The following AFF3 variants were observed in gnomAD, a reference collection of about 807,000 sequenced individuals.
AFF3 encodes the protein ALF transcription elongation factor 3.
In AFF3, 32 loss-of-function variants were observed where a neutral mutation model predicts 129.7. The observed-to-expected ratio is 0.25, with a 90% CI of 0.19 to 0.33. The LOEUF is 0.33. Ranked by LOEUF, AFF3 falls within the 10% of genes least tolerant of loss-of-function variation. The probability of loss-of-function intolerance (pLI) is 1.00; values close to 1 mark genes in which losing one functional copy is unlikely to be tolerated. For synonymous variants in AFF3, 644 were observed against 635.4 expected, an observed-to-expected ratio of 1.01 and a Z score of -0.20; for missense variants, 1,373 against 1,592.0, an observed-to-expected ratio of 0.86 and a Z score of 2.34.
intron 4 of AFF3, among the ~76,000 whole-genome samples, chr2:100,104,138 CCCTGGCTA>C: frequency 6.6e-6 from 1 of 152,166 alleles, no homozygotes; most frequent in Non-Finnish European, 1.5e-5. Context: ...TGCGCTCTGC[CCCTGGCTA>C]CCTAGATCAC....
At chr2:99,707,202 C>T in intron 11 of AFF3, 1 of 985,394 alleles carries the variant, frequency 1.0e-6, no homozygotes. Flanking sequence ...TCTTCCCCAT[C>T]CACAGTTAAA....
At chr2:99,727,248 C>T in intron 10 of AFF3, 120 bp from the exon 11 acceptor site, 1 of 992,158 alleles carries the variant, frequency 1.0e-6, no homozygotes, top group East Asian at 2.8e-5. Context: ...TAGCAGGAGG[C>T]TTTTAAAACA....
At chr2:99,670,184 G>C (rs1306945928) in intron 12 of AFF3, among the ~76,000 whole-genome samples, 2 of 152,138 alleles carry the variant, frequency 1.3e-5, no homozygotes, top group Admixed American at 6.6e-5. Context: ...ACTGTCTTTT[G>C]ACCTTCAGGA....
intron 13 of AFF3, among the ~76,000 whole-genome samples, chr2:99,630,029 C>T (rs1448396945): frequency 2.0e-5 from 3 of 152,228 alleles, no homozygotes; most frequent in South Asian, 2.1e-4. Context: ...TCACTATAGA[C>T]CCCCTTCTGA....
intron 13 of AFF3, among the ~76,000 whole-genome samples, chr2:99,623,786 C>T (rs917150451): frequency 2.6e-5 from 4 of 152,178 alleles, no homozygotes; most frequent in African/African-American, 4.8e-5. Flanking sequence ...CCCATGCCCT[C>T]CTGGGGTGCT....
chr2:99,991,963 A>T (rs1397854973), intron 7 of AFF3, among the ~76,000 whole-genome samples: 1 of 152,098 alleles, frequency 6.6e-6, no homozygotes, highest in African/African-American at 2.4e-5. Context: ...CAGTCTTGAC[A>T]GATTAAATGG....
At chr2:100,050,891 A>G (rs1220329085) in intron 4 of AFF3, among the ~76,000 whole-genome samples, 2 of 152,186 alleles carry the variant, frequency 1.3e-5, no homozygotes, top group African/African-American at 4.8e-5. Flanking sequence ...GTGGAGTAAC[A>G]GCCAACAAGG....
intron 20 of AFF3, 135 bp from the exon 21 acceptor site, chr2:99,560,571 C>T: frequency 1.2e-6 from 1 of 800,372 alleles, no homozygotes; most frequent in Non-Finnish European, 2.0e-6. Flanking sequence ...ATAGTACTTG[C>T]TGATAATTCT....
At chr2:100,029,601 C>A (rs911770417) in intron 4 of AFF3, among the ~76,000 whole-genome samples, 1 of 152,000 alleles carries the variant, frequency 6.6e-6, no homozygotes, top group African/African-American at 2.4e-5. Context: ...CAAGAGGAAC[C>A]TAGGGTAGTC....
At position 99,716,777 on chromosome 2, in the gene AFF3, G is replaced by T. The variant is rs547052760; in HGVS notation, c.1091+10300C>A. On this transcript the variant is annotated intron_variant, in intron 11 of 24. Transcript: ENST00000672756. ...TTCCCTGTAATCGCAGCTACTTTGG[G>T]GGGGCTGAGGCAGGAGAATCGTTTG... 3.9e-5 allele frequency among the ~76,000 whole-genome samples: 6 copies of T among 152,036 alleles called. No homozygotes were observed. The East Asian group carries it at 7.7e-4, about 20-fold the overall frequency.
intron 7 of AFF3, among the ~76,000 whole-genome samples, chr2:99,954,208 A>G (rs1405928331): frequency 1.3e-5 from 2 of 152,118 alleles, no homozygotes; most frequent in African/African-American, 4.8e-5. Context: ...AGGGACATAA[A>G]AATGCATGGT....
At position 99,808,042 on chromosome 2, in the gene AFF3, T is replaced by C. The variant is rs1329619088; in HGVS notation, c.921+29435A>G. Among the ~76,000 whole-genome samples, 4 of 152,220 alleles carry C rather than the reference T, an allele frequency of 2.6e-5. No homozygotes were observed. The East Asian group carries it at 7.7e-4, about 29-fold the overall frequency. On this transcript the variant is annotated intron_variant, in intron 8 of 24. Coordinates refer to ENST00000672756, the MANE Select transcript of AFF3 (RefSeq NM_001386135.1). Reference sequence around the variant, plus strand: ...AGGGTAGGAATCCCTCCCTCGCCAATGGGGTGAAGGGGAGGCAACCAAAAT... The same window carrying C: ...AGGGTAGGAATCCCTCCCTCGCCAACGGGGTGAAGGGGAGGCAACCAAAAT...
At chr2:99,882,411 G>T (rs1192826985) in intron 7 of AFF3, among the ~76,000 whole-genome samples, 8 of 152,228 alleles carry the variant, frequency 5.3e-5, no homozygotes, top group African/African-American at 1.9e-4. Flanking sequence ...ATCCAGCTGT[G>T]AAAGAAGCTA....
chr2:100,026,598 T>C (rs1684061462), intron 4 of AFF3, among the ~76,000 whole-genome samples: 1 of 151,914 alleles, frequency 6.6e-6, no homozygotes, highest in South Asian at 2.1e-4. Context: ...TACTTGCACA[T>C]GCATGTTTAT....
intron 7 of AFF3, among the ~76,000 whole-genome samples, chr2:99,952,802 C>T (rs1298981143): frequency 6.6e-6 from 1 of 152,174 alleles, no homozygotes; most frequent in African/African-American, 2.4e-5. Flanking sequence ...CACCTGCACC[C>T]TCCTGGTCAG....
chr2:99,700,673 G>T (rs996880279), intron 11 of AFF3, among the ~76,000 whole-genome samples: 2 of 152,202 alleles, frequency 1.3e-5, no homozygotes, highest in African/African-American at 4.8e-5. Flanking sequence ...AGAACACATG[G>T]CAGAGAAGCC....
At chr2:99,608,952 T>G (rs988952430) in intron 13 of AFF3, among the ~76,000 whole-genome samples, 4 of 152,168 alleles carry the variant, frequency 2.6e-5, no homozygotes, top group African/African-American at 9.7e-5. Flanking sequence ...TATTACATGT[T>G]TTGAGATGGC....
chr2:99,878,886 T>C (rs1038888110), intron 7 of AFF3, among the ~76,000 whole-genome samples: 7 of 152,182 alleles, frequency 4.6e-5, no homozygotes, highest in Non-Finnish European at 1.0e-4. Flanking sequence ...TTGGATTCCT[T>C]AAGTCCATGG....
At chr2:99,744,185 C>T (rs767956040) in intron 9 of AFF3, 45 bp from the exon 10 acceptor site, 1 of 1,560,108 alleles carries the variant, frequency 6.4e-7, no homozygotes, top group South Asian at 1.1e-5. Flanking sequence ...TTTTGACTTT[C>T]AAAATCCAAG....
Sources: allele counts gnomAD v4.1 joint callset (sites outside exome capture counted in the v4.1 genomes callset), GRCh38; gene constraint gnomAD v4.1.1; transcripts MANE v1.5; gene names NCBI Gene and HGNC (gene_info 2026-07-23, HGNC 2026-07-21).